Variants in ELP4 observed in about 807,000 individuals in gnomAD.
ELP4 encodes elongator complex protein 4.
Under a neutral mutation model 48.9 loss-of-function variants are expected in ELP4, and 51 were observed. The ratio of observed to expected loss-of-function variants is 1.04; its 90% CI spans 0.83 to 1.32. The LOEUF is 1.32. Ranked by LOEUF, ELP4 falls within the 40% of genes most tolerant of loss-of-function variation. The probability of loss-of-function intolerance (pLI) is 0.00; values close to 1 mark genes in which losing one functional copy is unlikely to be tolerated. For missense variants in ELP4, 519 were observed against 514.6 expected (o/e 1.01, Z -0.08); for synonymous variants, 210 against 189.2 (o/e 1.11, Z -0.90).
intron 9 of ELP4, chr11:31,762,020 A>G (rs1245805093): frequency 6.6e-6 from 1 of 152,322 alleles, no homozygotes; most frequent in East Asian, 1.9e-4. Context: ...CCAGACAGAT[A>G]TAAGTTGGCT....
chr11:31,726,626 AG>A (rs1192169105), intron 9 of ELP4, among the ~76,000 whole-genome samples: 1 of 152,194 alleles, frequency 6.6e-6, no homozygotes, highest in African/African-American at 2.4e-5. Flanking sequence ...AAAGTAACAT[AG>A]AAATCCTAAT....
chr11:31,765,070 T>C (rs1316556279), intron 9 of ELP4, among the ~76,000 whole-genome samples: 1 of 152,056 alleles, frequency 6.6e-6, no homozygotes, highest in Non-Finnish European at 1.5e-5. Flanking sequence ...TAAGACTGAA[T>C]TAAGAGGATG....
chr11:31,715,666 C>A (rs1204312301), intron 9 of ELP4, among the ~76,000 whole-genome samples: 4 of 152,162 alleles, frequency 2.6e-5, no homozygotes, highest in Admixed American at 1.3e-4. Flanking sequence ...AAACACATAG[C>A]ATAAGTGTTT....
At chr11:31,705,312 T>C (rs561148507) in intron 9 of ELP4, among the ~76,000 whole-genome samples, 1 of 152,154 alleles carries the variant, frequency 6.6e-6, no homozygotes, top group East Asian at 1.9e-4. Flanking sequence ...ACCAGTCCCA[T>C]CATGGGGCCC....
At chr11:31,634,898 TA>T (rs1565089552) in intron 7 of ELP4, among the ~76,000 whole-genome samples, 1 of 151,964 alleles carries the variant, frequency 6.6e-6, no homozygotes, top group Non-Finnish European at 1.5e-5. Context: ...TGTCTTTTTT[TA>T]AAAAACTGCA....
At chr11:31,663,967 A>G (rs1945617067) in intron 9 of ELP4, 1 of 152,120 alleles carries the variant, frequency 6.6e-6, no homozygotes, top group Admixed American at 6.6e-5. Context: ...TAAATTATGT[A>G]AAACAAAACT....
Position 31,604,929 on chromosome 11 carries a change from T to C in ELP4, c.653+1022T>C, listed in dbSNP as rs1208558952. 2.6e-5 allele frequency among the ~76,000 whole-genome samples: 4 copies of C among 152,140 alleles called. No homozygotes were observed. In the East Asian group the frequency reaches 7.7e-4, roughly 29 times the overall value. On this transcript the variant is annotated intron_variant, in intron 5 of 9. Coordinates refer to ENST00000640961, the MANE Select transcript of ELP4 (RefSeq NM_019040.5). ...GCCACTCTGTTAGGCACTTTACATTTGTTATCTTCTATAATCCTTATATTA... is the reference window on the plus strand; with the variant it reads ...GCCACTCTGTTAGGCACTTTACATTCGTTATCTTCTATAATCCTTATATTA...
chr11:31,523,960 A>G (rs1956255386), intron 2 of ELP4, among the ~76,000 whole-genome samples: 1 of 152,122 alleles, frequency 6.6e-6, no homozygotes, highest in African/African-American at 2.4e-5. Flanking sequence ...TTGTAAAGAT[A>G]CTGAGCATCA....
intron 9 of ELP4, chr11:31,714,527 TG>T (rs1946802163): frequency 2.5e-6 from 1 of 397,246 alleles, no homozygotes; most frequent in Non-Finnish European, 4.4e-6. Flanking sequence ...ATTCCAAATT[TG>T]TGGAATTTAC....
intron 3 of ELP4, among the ~76,000 whole-genome samples, chr11:31,589,267 T>C (rs1165408082): frequency 1.3e-5 from 2 of 152,192 alleles, no homozygotes. Context: ...TCAGAATATA[T>C]ACATTACCAT....
intron 4 of ELP4, chr11:31,600,190 G>A (rs1462425716): frequency 6.8e-6 from 1 of 146,990 alleles, no homozygotes; most frequent in African/African-American, 2.4e-5. Context: ...ATTGAAGAGT[G>A]TATAGTTTTA....
At chr11:31,548,820 GA>G (rs1350198593) in intron 3 of ELP4, among the ~76,000 whole-genome samples, 1 of 152,170 alleles carries the variant, frequency 6.6e-6, no homozygotes, top group African/African-American at 2.4e-5. Flanking sequence ...AGAGCCCTCA[GA>G]AAAAATGCTG....
chr11:31,514,345 G>C (rs1359017142), intron 1 of ELP4, among the ~76,000 whole-genome samples: 2 of 152,112 alleles, frequency 1.3e-5, no homozygotes, highest in African/African-American at 2.4e-5. Context: ...TGTAGTCCCA[G>C]CTACTCAGGA....
chr11:31,573,890 A>T (rs7125290), intron 3 of ELP4, among the ~76,000 whole-genome samples: 96,524 of 143,324 alleles, frequency 0.67, 32,606 homozygotes, highest in African/African-American at 0.88. Context: ...TTAAACTTAG[A>T]TATTTTCAAA....
intron 9 of ELP4, among the ~76,000 whole-genome samples, chr11:31,758,670 C>CG (rs1554977550): frequency 7.1e-6 from 1 of 140,690 alleles, no homozygotes; most frequent in Non-Finnish European, 1.5e-5. Flanking sequence ...GAGGGTGGAA[C>CG]TTTTTTTTTT....
chr11:31,676,399 A>G (rs1281314510), intron 9 of ELP4, among the ~76,000 whole-genome samples: 1 of 152,086 alleles, frequency 6.6e-6, no homozygotes, highest in Non-Finnish European at 1.5e-5. Context: ...ACCTTCTAAT[A>G]TGCTGTATAA....
intron 3 of ELP4, among the ~76,000 whole-genome samples, chr11:31,548,338 A>T (rs548276650): frequency 1.3e-4 from 19 of 151,960 alleles, no homozygotes; most frequent in African/African-American, 3.6e-4. Flanking sequence ...TTATACACCA[A>T]TAACAGACAA....
intron 3 of ELP4, among the ~76,000 whole-genome samples, chr11:31,569,598 A>G (rs939497335): frequency 6.6e-5 from 10 of 152,048 alleles, no homozygotes. Flanking sequence ...ATGTTGGTGC[A>G]TCCTGTAATC....
At chr11:31,606,625 A>G (rs1957881049) in intron 5 of ELP4, among the ~76,000 whole-genome samples, 2 of 152,186 alleles carry the variant, frequency 1.3e-5, no homozygotes, top group Admixed American at 6.5e-5. Context: ...GTTTTATAAT[A>G]ATATTATCAA....
Sources: gnomAD v4.1 joint callset for allele counts (sites outside exome capture counted in the v4.1 genomes callset) on GRCh38, gnomAD v4.1.1 for gene constraint, MANE v1.5 for transcripts, NCBI Gene and HGNC (gene_info 2026-07-23, HGNC 2026-07-21) for gene names.